NFX1: variants seen among roughly 807,000 people sequenced by gnomAD.
The protein encoded by NFX1 is nuclear transcription factor, X-box binding 1.
In NFX1, 69 loss-of-function variants were observed where a neutral mutation model predicts 137.2. That is an observed-to-expected ratio of 0.50 (90% confidence interval 0.41 to 0.61). The LOEUF (loss-of-function observed/expected upper bound fraction) is 0.61. Among genes scored for constraint, NFX1 ranks in the 20% least tolerant of loss-of-function variants. The probability of loss-of-function intolerance (pLI) is 0.00; values close to 1 mark genes in which losing one functional copy is unlikely to be tolerated. For missense variants in NFX1, 1,167 were observed against 1,391.0 expected (o/e 0.84, Z 2.56); for synonymous variants, 495 against 474.1 (o/e 1.04, Z -0.57).
In NFX1 at chr9:33,348,910, C is replaced by CT. The variant is rs1415921119; in HGVS notation, c.2424+1800dup. On this transcript the variant is annotated intron_variant, in intron 15 of 23. Coordinates refer to ENST00000379540, the MANE Select transcript of NFX1 (RefSeq NM_002504.6). ...AAAAAAGATATTGTTTTGTAACCTGCTTTTTTTGCATCATGACGTATTGGC... is the reference window on the plus strand; with the variant it reads ...AAAAAAGATATTGTTTTGTAACCTGCTTTTTTTTGCATCATGACGTATTGGC... 2.0e-5 allele frequency among the ~76,000 whole-genome samples: 3 copies of CT among 152,146 alleles called. No individual in the cohort carries two copies. In the East Asian group the frequency reaches 5.8e-4, roughly 29 times the overall value.
intron 9 of NFX1, among the ~76,000 whole-genome samples, chr9:33,321,384 A>T (rs917295090): frequency 6.6e-6 from 1 of 152,184 alleles, no homozygotes; most frequent in Non-Finnish European, 1.5e-5. Context: ...AATGACTGTC[A>T]GGTTTGTTCA....
chr9:33,355,914 G>A (rs1488296300), intron 19 of NFX1, among the ~76,000 whole-genome samples: 3 of 151,996 alleles, frequency 2.0e-5, no homozygotes, highest in African/African-American at 7.3e-5. Context: ...CAAAGTGTTG[G>A]GATTACAAGC....
chr9:33,351,623 C>G lies in NFX1; in HGVS notation c.2488C>G (p.Leu830Val). 1 of 1,614,242 alleles carries G rather than the reference C, an allele frequency of 6.2e-7. No homozygotes were observed. Among genetic ancestry groups the G allele is most frequent in the Non-Finnish European group, 8.5e-7 (1 of 1,180,052 alleles). The change falls in exon 16 of 24, where the codon CTA (leucine) becomes GTA (valine). Residue 830 changes from leucine to valine, a missense_variant. Physicochemically the swap from Leu to Val is conservative, Grantham distance 32 (BLOSUM62 1). Around this residue, in one of 3 missense-constraint regions of NFX1, gnomAD observed 488 missense variants for 691.5 expected, o/e 0.71. Transcript: ENST00000379540. The part of the protein sequence containing the change: ...ISCGLPCSAT[L>V]PCGMHKCQRL... ...TTGCGGATTACCCTGCAGTGCCACG[C>G]TACCATGTGGGATGCACAAATGTCA...
chr9:33,347,224 A>G (rs1203611673), intron 15 of NFX1, 107 bp downstream of exon 15: 26 of 847,234 alleles, frequency 3.1e-5, no homozygotes, highest in Middle Eastern at 2.3e-4. Flanking sequence ...ACTCAGAAGT[A>G]GAAGCTTTCC....
At chr9:33,307,058 A>G (rs1821779514) in intron 4 of NFX1, 136 bp from the exon 5 acceptor site, 1 of 547,616 alleles carries the variant, frequency 1.8e-6, no homozygotes, top group South Asian at 3.2e-5. Flanking sequence ...ATTTTAAGAT[A>G]TGGGATAATA....
Position 33,351,552 on chromosome 9 carries a change from T to C in NFX1, c.2425-8T>C. 1 of 1,613,604 alleles carries C rather than the reference T, an allele frequency of 6.2e-7. No individual in the cohort carries two copies. The highest frequency in any genetic ancestry group is 8.5e-7 in the Non-Finnish European group (1 of 1,179,504). ...AGATGAGAATCTGGCTACTTCTGTCTCTCCTAGTTTCGGAGCAACATCCCC... is the reference window on the plus strand; with the variant it reads ...AGATGAGAATCTGGCTACTTCTGTCCCTCCTAGTTTCGGAGCAACATCCCC... On this transcript the variant is annotated splice_region_variant and splice_polypyrimidine_tract_variant and intron_variant, in intron 15 of 23. Transcript: ENST00000379540.
Position 33,364,127 on chromosome 9 carries a change from G to C in NFX1, c.2972+19G>C, listed in dbSNP as rs561299378. 7 of 1,559,604 alleles carry C rather than the reference G, an allele frequency of 4.5e-6. No homozygotes were observed. Among genetic ancestry groups the C allele is most frequent in the African/African-American group, 4.1e-5 (3 of 73,130 alleles). On this transcript the variant is annotated intron_variant, in intron 20 of 23. Coordinates refer to ENST00000379540, the MANE Select transcript of NFX1 (RefSeq NM_002504.6). Reference sequence around the variant, plus strand: ...ATGCCAGGTATGTAACTTGTTACCTGCTTTCTTAATTGTGGCTTGTCAGGG... The same window carrying C: ...ATGCCAGGTATGTAACTTGTTACCTCCTTTCTTAATTGTGGCTTGTCAGGG...
chr9:33,324,516 G>A (rs1441857912), intron 9 of NFX1, among the ~76,000 whole-genome samples: 3 of 152,094 alleles, frequency 2.0e-5, no homozygotes, highest in East Asian at 1.9e-4. Context: ...ATGCCACTGC[G>A]CTTCAGGTGG....
At chr9:33,335,727 A>G (rs1383944536) in intron 11 of NFX1, among the ~76,000 whole-genome samples, 4 of 152,162 alleles carry the variant, frequency 2.6e-5, no homozygotes, top group Non-Finnish European at 5.9e-5. Context: ...TCCCCCAGGT[A>G]ACCACTGATC....
rs77096312 is a variant in NFX1 at position 33,322,730 on chromosome 9, C to T, written c.1906+3603C>T. Among the ~76,000 whole-genome samples the T allele has an allele frequency of 9.9e-3, 1,509 of 152,186 alleles. 21 individuals carry two copies. The highest frequency in any genetic ancestry group is 0.033 in the African/African-American group (1,375 of 41,522). The stretch of plus-strand genomic sequence containing the variant: ...AGTGCCTCAGAGACCTTTCCCAGGG[C>T]GAGAGACAGTTCATAACAAAAGAGA... On this transcript the variant is annotated intron_variant, in intron 9 of 23. Transcript: ENST00000379540.
chr9:33,318,614 T>G, intron 7 of NFX1, 117 bp from the exon 8 acceptor site: 1 of 897,800 alleles, frequency 1.1e-6, no homozygotes, highest in Non-Finnish European at 1.8e-6. Flanking sequence ...CCTCCCAGAT[T>G]ACAGGCATGA....
chr9:33,356,975 G>C (rs940803198), intron 19 of NFX1, among the ~76,000 whole-genome samples: 1 of 146,738 alleles, frequency 6.8e-6, no homozygotes. Flanking sequence ...TTTGGTGACA[G>C]AGTGAAATGC....
intron 14 of NFX1, among the ~76,000 whole-genome samples, chr9:33,344,662 T>C (rs1407601272): frequency 6.6e-6 from 1 of 151,584 alleles, no homozygotes; most frequent in Non-Finnish European, 1.5e-5. Context: ...GGTCAAAAGA[T>C]TGAGACCATC....
chr9:33,364,611 A>G, intron 20 of NFX1, 97 bp from the exon 21 acceptor site: 1 of 1,371,260 alleles, frequency 7.3e-7, no homozygotes, highest in Non-Finnish European at 9.9e-7. Context: ...TACTGCCAGC[A>G]TTGTCTATTG....
At chr9:33,341,059 G>GT (rs1823201743) in intron 12 of NFX1, among the ~76,000 whole-genome samples, 1 of 152,116 alleles carries the variant, frequency 6.6e-6, no homozygotes, top group Non-Finnish European at 1.5e-5. Flanking sequence ...ACATTTTCGG[G>GT]TATCTTTTCA....
intron 19 of NFX1, among the ~76,000 whole-genome samples, chr9:33,361,789 C>A (rs1462302724): frequency 6.7e-6 from 1 of 149,396 alleles, no homozygotes; most frequent in Non-Finnish European, 1.5e-5. Flanking sequence ...AAGACTCCAT[C>A]TCCAAAAATA....
chr9:33,347,203 A>G (rs1424881449), intron 15 of NFX1, 86 bp downstream of exon 15: 2 of 1,028,602 alleles, frequency 1.9e-6, no homozygotes, highest in Admixed American at 2.2e-5. Flanking sequence ...ATCGTCTGTC[A>G]AAGTAAATAC....
At chr9:33,317,525 C>G (rs1564115495) in intron 7 of NFX1, among the ~76,000 whole-genome samples, 1 of 147,116 alleles carries the variant, frequency 6.8e-6, no homozygotes, top group African/African-American at 2.5e-5. Context: ...ATCTTAAATT[C>G]AGCTAATTAA....
At position 33,295,079 on chromosome 9, in the gene NFX1, G is replaced by C; in HGVS notation, c.685G>C (p.Asp229His). ...SEASSRKGVL[D>H]GYGARRNEQR... The stretch of plus-strand genomic sequence containing the variant: ...GGCATCCTCTAGAAAAGGAGTATTG[G>C]ATGGGTATGGAGCCAGACGAAATGA... Residue 229 changes from aspartate (D) to histidine (H), a missense_variant, in exon 2 of 24, where the codon GAT becomes CAT. Physicochemically the swap from Asp to His is moderately conservative, Grantham distance 81. Transcript: ENST00000379540. 6.2e-7 allele frequency: 1 copy of C among 1,614,098 alleles called. No homozygotes were observed. Among genetic ancestry groups the C allele is most frequent in the Non-Finnish European group, 8.5e-7 (1 of 1,180,026 alleles).
Sources: gnomAD v4.1 joint callset for allele counts (sites outside exome capture counted in the v4.1 genomes callset) on GRCh38, gnomAD v4.1.1 for gene constraint, gnomAD v4.1.1 regional missense constraint, MANE v1.5 for transcripts, NCBI Gene and HGNC (gene_info 2026-07-23, HGNC 2026-07-21) for gene names.